The following EHMT1 variants were observed in gnomAD, a reference collection of about 807,000 sequenced individuals.
The protein encoded by EHMT1 is euchromatic histone lysine methyltransferase 1.
A neutral mutation model predicts 147.2 loss-of-function variants in EHMT1; 15 were observed. The ratio of observed to expected loss-of-function variants is 0.10; its 90% CI spans 0.07 to 0.16. EHMT1 has a LOEUF of 0.16. Among genes scored for constraint, EHMT1 ranks in the 10% least tolerant of loss-of-function variants. EHMT1 has a pLI of 1.00. For missense variants in EHMT1, 1,587 were observed against 1,772.4 expected, an observed-to-expected ratio of 0.90 and a Z score of 1.88; for synonymous variants, 795 against 709.6, an observed-to-expected ratio of 1.12 and a Z score of -1.91.
At chr9:137,789,867 T>G (rs1952381105) in intron 15 of EHMT1, among the ~76,000 whole-genome samples, 2 of 152,254 alleles carry the variant, frequency 1.3e-5, no homozygotes. Context: ...GTAGCTGGGA[T>G]TACAGGCGCC....
Position 137,776,410 on chromosome 9 carries a change from GCTT to G in EHMT1, c.1792-202_1792-200del. 3 of 532,146 alleles carry G rather than the reference GCTT, an allele frequency of 5.6e-6. No individual in the cohort carries two copies. The highest frequency in any genetic ancestry group is 6.8e-6 in the Non-Finnish European group (2 of 295,248). The allele number at this position is 532,146 out of a possible 1,614,324, so 33.0% of individuals were successfully genotyped here. On this transcript the variant is annotated intron_variant, in intron 11 of 26. Coordinates refer to ENST00000460843, the MANE Select transcript of EHMT1 (RefSeq NM_024757.5). The surrounding 1 kb of genome is among the most constrained non-coding windows in gnomAD (Gnocchi z 4.4). ...GCCAAGTGACCTCTGTCTGGCTTCA[GCTT>G]CTTCTCTGTGGGGCGAGAGCACCAC...
At chr9:137,816,104 A>G (rs931346307) in intron 23 of EHMT1, 42 bp downstream of exon 23, 1 of 1,509,118 alleles carries the variant, frequency 6.6e-7, no homozygotes, top group African/African-American at 1.4e-5. Flanking sequence ...TTCTGCTCGT[A>G]TTAGCACGTA....
Position 137,776,499 on chromosome 9 carries a change from C to A in EHMT1, c.1792-119C>A. ...GGCCAAGACTGGACCCCACCCCGAC[C>A]CATGGCTCACTCTGCAGACCGCCCG... On this transcript the variant is annotated intron_variant, in intron 11 of 26. Transcript: ENST00000460843. The surrounding 1 kb of genome is among the most constrained non-coding windows in gnomAD (Gnocchi z 4.4). 1 of 979,522 alleles carries A rather than the reference C, an allele frequency of 1.0e-6. No individual in the cohort carries two copies. The highest frequency in any genetic ancestry group is 1.6e-6 in the Non-Finnish European group (1 of 637,544). The allele number at this position is 979,522 out of a possible 1,614,324, so 60.7% of individuals were successfully genotyped here. A position where few individuals can be genotyped will look rare whatever the true frequency, so the allele number is the denominator to read the frequency against.
chr9:137,818,060 G>T lies in EHMT1; in HGVS notation c.3462G>T (p.Glu1154Asp). 1 of 1,614,148 alleles carries T rather than the reference G, an allele frequency of 6.2e-7. No individual in the cohort carries two copies. Reference sequence around the variant, plus strand: ...CTCACCTGCACCGCACCCTCTGCAGGTATGTTGGGGAGCTGATTTCAGACT... The same window carrying T: ...CTCACCTGCACCGCACCCTCTGCAGTTATGTTGGGGAGCTGATTTCAGACT... ...QDIPPGTFVC[E>D]YVGELISDSE... Residue 1154 changes from glutamate to aspartate, a missense_variant and splice_region_variant, in exon 25 of 27, where the codon GAG becomes GAT. Coordinates refer to ENST00000460843, the MANE Select transcript of EHMT1 (RefSeq NM_024757.5).
intron 3 of EHMT1, among the ~76,000 whole-genome samples, chr9:137,722,411 G>A (rs1272622045): frequency 6.6e-6 from 1 of 152,260 alleles, no homozygotes; most frequent in Non-Finnish European, 1.5e-5. Context: ...TAGGAAAAGA[G>A]AACTTGAGTG....
At chr9:137,751,784 C>T (rs998353513) in intron 6 of EHMT1, among the ~76,000 whole-genome samples, 7 of 152,146 alleles carry the variant, frequency 4.6e-5, no homozygotes, top group East Asian at 1.9e-4. Flanking sequence ...AATGCACTGT[C>T]GTCTGTGGGC....
chr9:137,809,384 C>T (rs1442555032), intron 18 of EHMT1, among the ~76,000 whole-genome samples: 1 of 152,216 alleles, frequency 6.6e-6, no homozygotes, highest in Non-Finnish European at 1.5e-5. Flanking sequence ...TGCCTACCTG[C>T]AGAGCCAGTC....
At chr9:137,824,860 T>C (rs1232583137) in intron 25 of EHMT1, among the ~76,000 whole-genome samples, 1 of 152,186 alleles carries the variant, frequency 6.6e-6, no homozygotes, top group Non-Finnish European at 1.5e-5. Flanking sequence ...TTCTACTCAC[T>C]TTTTGGACTA....
At chr9:137,620,565 T>C (rs575618553) in intron 1 of EHMT1, among the ~76,000 whole-genome samples, 86 of 152,098 alleles carry the variant, frequency 5.7e-4, no homozygotes, top group Non-Finnish European at 1.2e-3. Context: ...TTTTTTTGTA[T>C]TTTTTTGGTA....
At chr9:137,742,435 G>C (rs1015106211) in intron 4 of EHMT1, among the ~76,000 whole-genome samples, 2 of 152,034 alleles carry the variant, frequency 1.3e-5, no homozygotes, top group Admixed American at 1.3e-4. Context: ...GGGTCTTCAG[G>C]TGTGAGCTGC....
chr9:137,807,245 T>C (rs1402349928), intron 18 of EHMT1, among the ~76,000 whole-genome samples: 1 of 152,220 alleles, frequency 6.6e-6, no homozygotes, highest in Admixed American at 6.5e-5. Context: ...TTTAAATTAT[T>C]ATTTTTTCCC....
intron 25 of EHMT1, 103 bp from the exon 26 acceptor site, chr9:137,834,223 CCCCTCCTGCATGGCGGGCCTGCG>C (rs1564845133): frequency 1.0e-5 from 13 of 1,260,656 alleles, no homozygotes; most frequent in Admixed American, 4.1e-5. Flanking sequence ...CTGGAGAAGG[CCCCTCCTGCATGGCGGGCCTGCG>C]CCCAACTGCA....
At chr9:137,751,585 C>T (rs918667188) in intron 6 of EHMT1, among the ~76,000 whole-genome samples, 2 of 152,186 alleles carry the variant, frequency 1.3e-5, no homozygotes, top group Non-Finnish European at 2.9e-5. Flanking sequence ...CGGAGACTCA[C>T]GTATGTTTCA....
At chr9:137,716,518 T>TGG (rs1945303903) in intron 2 of EHMT1, 108 bp from the exon 3 acceptor site, 20 of 718,230 alleles carry the variant, frequency 2.8e-5, no homozygotes, top group Non-Finnish European at 3.9e-5. Flanking sequence ...GGTGTCATGG[T>TGG]GGGGGAGGAA....
chr9:137,716,642 C>A lies in EHMT1; in HGVS notation c.102C>A (p.Ala34=). Residue 34 remains alanine (A), a synonymous_variant, in exon 3 of 27, where the codon GCC becomes GCA. Coordinates refer to ENST00000460843, the MANE Select transcript of EHMT1 (RefSeq NM_024757.5). ...ELLGEETPMA[A]DEGSAEKQAG... ...TGTTGGCAGAGACACCTATGGCTGCCGATGAAGGCTCAGCAGAGAAACAGG... is the reference window on the plus strand; with the variant it reads ...TGTTGGCAGAGACACCTATGGCTGCAGATGAAGGCTCAGCAGAGAAACAGG... 6.4e-7 allele frequency: 1 copy of A among 1,573,070 alleles called. No homozygotes were observed. Among genetic ancestry groups the A allele is most frequent in the Non-Finnish European group, 8.6e-7 (1 of 1,157,386 alleles).
chr9:137,633,126 G>A (rs1404768679), intron 1 of EHMT1, among the ~76,000 whole-genome samples: 2 of 152,114 alleles, frequency 1.3e-5, no homozygotes, highest in African/African-American at 2.4e-5. Context: ...CTGCTTGAAC[G>A]GAAGGGTGGG....
intron 1 of EHMT1, among the ~76,000 whole-genome samples, chr9:137,648,292 A>G (rs1297350871): frequency 6.6e-6 from 1 of 152,148 alleles, no homozygotes; most frequent in Non-Finnish European, 1.5e-5. Flanking sequence ...TGGAAAACCC[A>G]AAAGAGTCAA....
intron 10 of EHMT1, among the ~76,000 whole-genome samples, chr9:137,772,595 G>A (rs537111563): frequency 4.7e-4 from 72 of 152,334 alleles, no homozygotes; most frequent in East Asian, 1.9e-4. Context: ...CTGCCGGTGC[G>A]GACCCACCTT....
At chr9:137,654,770 A>G (rs984418034) in intron 1 of EHMT1, among the ~76,000 whole-genome samples, 1 of 152,178 alleles carries the variant, frequency 6.6e-6, no homozygotes, top group Admixed American at 6.5e-5. Flanking sequence ...TTATCTGGAC[A>G]GACACCAGGA....
Sources: gnomAD v4.1 joint callset for allele counts (sites outside exome capture counted in the v4.1 genomes callset) on GRCh38, gnomAD v4.1.1 for gene constraint, Gnocchi (gnomAD v3.1) non-coding constraint, MANE v1.5 for transcripts, NCBI Gene and HGNC (gene_info 2026-07-23, HGNC 2026-07-21) for gene names.